HEATR5B: variants seen among roughly 807,000 people sequenced by gnomAD.
HEATR5B encodes the protein HEAT repeat containing 5B.
Under a neutral mutation model 224.1 loss-of-function variants are expected in HEATR5B, and 156 were observed. The ratio of observed to expected loss-of-function variants is 0.70; its 90% CI spans 0.61 to 0.80. The LOEUF (loss-of-function observed/expected upper bound fraction) is 0.80, where lower values mean the gene tolerates loss of function less well. HEATR5B is among the 30% of genes least tolerant of loss of function. The pLI, the probability that HEATR5B is intolerant of heterozygous loss-of-function variation, is 0.00. For missense variants in HEATR5B, 2,323 were observed against 2,535.5 expected, an observed-to-expected ratio of 0.92 and a Z score of 1.80; for synonymous variants, 1,027 against 893.0, an observed-to-expected ratio of 1.15 and a Z score of -2.68.
At chr2:37,050,761 C>T (rs974109840) in intron 17 of HEATR5B, among the ~76,000 whole-genome samples, 16 of 152,122 alleles carry the variant, frequency 1.1e-4, no homozygotes, top group Non-Finnish European at 1.6e-4. Context: ...CAAAATGAGG[C>T]GAGGCGCGGT....
intron 24 of HEATR5B, among the ~76,000 whole-genome samples, chr2:37,027,601 G>A (rs907371683): frequency 9.2e-5 from 14 of 151,980 alleles, no homozygotes; most frequent in Admixed American, 5.2e-4. Context: ...TTTCCTTTCC[G>A]CTGAAATGCT....
chr2:37,017,808 A>T (rs1481402061), intron 26 of HEATR5B, among the ~76,000 whole-genome samples: 3 of 152,114 alleles, frequency 2.0e-5, no homozygotes, highest in African/African-American at 7.2e-5. Flanking sequence ...CAGAGAAAAG[A>T]CTTTGCCCTA....
intron 17 of HEATR5B, 39 bp downstream of exon 17, chr2:37,053,463 A>G (rs1205352595): frequency 8.5e-7 from 1 of 1,176,698 alleles, no homozygotes; most frequent in Non-Finnish European, 1.2e-6. Context: ...GCATTAATTA[A>G]AAACTTATTT....
At chr2:37,007,388 G>T in intron 28 of HEATR5B, 84 bp from the exon 29 acceptor site, 1 of 1,383,776 alleles carries the variant, frequency 7.2e-7, no homozygotes, top group Non-Finnish European at 9.4e-7. Context: ...CTGTCGCCCA[G>T]GCTGGAGTGC....
At chr2:37,060,450 T>C in intron 12 of HEATR5B, 131 bp downstream of exon 12, 15 of 735,612 alleles carry the variant, frequency 2.0e-5, no homozygotes, top group Non-Finnish European at 2.9e-5. Flanking sequence ...AGTTTCTATT[T>C]AAATCTAAAA....
At chr2:37,031,895 A>G (rs1669156268) in intron 22 of HEATR5B, among the ~76,000 whole-genome samples, 1 of 111,422 alleles carries the variant, frequency 9.0e-6, no homozygotes, top group African/African-American at 2.9e-5. Context: ...ACCAGCTAGG[A>G]ATTTAAGCTA....
At chr2:37,024,547 T>G (rs1017357648) in intron 24 of HEATR5B, among the ~76,000 whole-genome samples, 15 of 152,120 alleles carry the variant, frequency 9.9e-5, no homozygotes, top group Non-Finnish European at 2.2e-4. Flanking sequence ...ACTGATAAGC[T>G]AGAAAAGATG....
intron 33 of HEATR5B, among the ~76,000 whole-genome samples, chr2:36,998,208 T>C (rs753528431): frequency 7.2e-5 from 11 of 152,008 alleles, no homozygotes; most frequent in Non-Finnish European, 1.2e-4. Flanking sequence ...TATATTTTCT[T>C]TACAAAAGAA....
intron 35 of HEATR5B, among the ~76,000 whole-genome samples, chr2:36,986,276 T>G (rs1317825020): frequency 1.3e-5 from 2 of 152,220 alleles, no homozygotes; most frequent in Non-Finnish European, 2.9e-5. Flanking sequence ...ACTAAATTTA[T>G]CAACTTCTCC....
chr2:37,009,020 G>A (rs1035628666), intron 27 of HEATR5B, among the ~76,000 whole-genome samples, 172 bp from the exon 28 acceptor site: 8 of 152,046 alleles, frequency 5.3e-5, no homozygotes, highest in Non-Finnish European at 1.2e-4. Context: ...AGGACTTTGG[G>A]AGGCCAAGGC....
intron 1 of HEATR5B, 105 bp from the exon 2 acceptor site, chr2:37,083,541 T>C: frequency 1.2e-6 from 1 of 824,502 alleles, no homozygotes; most frequent in Non-Finnish European, 1.9e-6. Flanking sequence ...TCATTTCATT[T>C]GGGGAAAAAC....
chr2:36,989,300 G>T (rs1243077349), intron 34 of HEATR5B, among the ~76,000 whole-genome samples: 1 of 152,142 alleles, frequency 6.6e-6, no homozygotes. Flanking sequence ...TGGTCAGGAC[G>T]CTCTCAATCT....
At chr2:37,024,508 T>C (rs184917541) in intron 24 of HEATR5B, among the ~76,000 whole-genome samples, 166 of 152,282 alleles carry the variant, frequency 1.1e-3, no homozygotes, top group Non-Finnish European at 1.8e-3. Flanking sequence ...ATATATATAT[T>C]TGTAAGTCAA....
At position 37,019,897 on chromosome 2, in the gene HEATR5B, AT is replaced by A; in HGVS notation, c.4036-21del. The stretch of plus-strand genomic sequence containing the variant: ...TCCCACCTAGAAAAATAAATAAAGC[AT>A]TTTATTTTTTACTTTTATTTTTTGA... On this transcript the variant is annotated intron_variant, in intron 25 of 35. Coordinates refer to ENST00000233099, the MANE Select transcript of HEATR5B (RefSeq NM_019024.3). 2 of 1,549,410 alleles carry A rather than the reference AT, an allele frequency of 1.3e-6. No homozygotes were observed. The highest frequency in any genetic ancestry group is 1.8e-6 in the Non-Finnish European group (2 of 1,132,106).
intron 26 of HEATR5B, among the ~76,000 whole-genome samples, chr2:37,014,702 G>A (rs973698094): frequency 6.6e-6 from 1 of 151,482 alleles, no homozygotes; most frequent in Admixed American, 6.6e-5. Flanking sequence ...AAAGAGGCTG[G>A]GCGCAGTGGC....
At chr2:37,047,685 G>A (rs1289478575) in intron 18 of HEATR5B, among the ~76,000 whole-genome samples, 1 of 152,116 alleles carries the variant, frequency 6.6e-6, no homozygotes, top group African/African-American at 2.4e-5. Context: ...GTGAATTTCT[G>A]TCTTAATGCT....
rs564168839 is a variant in HEATR5B, at chr2:37,083,577, G to A, written c.-22-141C>T. The stretch of plus-strand genomic sequence containing the variant: ...TCAACTTCTTTGAGGCAAAACCTGA[G>A]AACATACTTTTAAATGACAAAAATA... On this transcript the variant is annotated intron_variant, in intron 1 of 35. Coordinates refer to ENST00000233099, the MANE Select transcript of HEATR5B (RefSeq NM_019024.3). 2.3e-5 allele frequency: 14 copies of A among 616,684 alleles called. No homozygotes were observed. In the South Asian group the frequency reaches 2.5e-4, roughly 11 times the overall value. The allele number at this position is 616,684 out of a possible 1,614,324, so 38.2% of individuals were successfully genotyped here.
At chr2:37,038,305 G>A (rs1182737634) in intron 20 of HEATR5B, among the ~76,000 whole-genome samples, 2 of 151,942 alleles carry the variant, frequency 1.3e-5, no homozygotes, top group African/African-American at 4.8e-5. Flanking sequence ...ACGCCCAGCT[G>A]ATTTTTGTAC....
At chr2:37,015,383 C>A (rs1668050241) in intron 26 of HEATR5B, among the ~76,000 whole-genome samples, 1 of 152,048 alleles carries the variant, frequency 6.6e-6, no homozygotes. Context: ...TGTATATAGA[C>A]AGTAAGTAAT....
Sources: gnomAD v4.1 joint callset for allele counts (sites outside exome capture counted in the v4.1 genomes callset) on GRCh38, gnomAD v4.1.1 for gene constraint, MANE v1.5 for transcripts, NCBI Gene and HGNC (gene_info 2026-07-23, HGNC 2026-07-21) for gene names.